Variants in CNGA3 observed in about 807,000 individuals in gnomAD.
CNGA3 encodes cyclic nucleotide-gated channel alpha-3.
CNGA3 carries 42 observed loss-of-function variants against 46.6 expected under a neutral mutation model. The observed-to-expected ratio is 0.90, with a 90% CI of 0.70 to 1.17. CNGA3 has a LOEUF of 1.17. CNGA3 is among the 50% of genes most tolerant of loss of function. The pLI is 0.00. For missense variants in CNGA3, 893 were observed against 890.7 expected, an observed-to-expected ratio of 1.00 and a Z score of -0.03; for synonymous variants, 394 against 369.4, an observed-to-expected ratio of 1.07 and a Z score of -0.76.
At chr2:98,353,713 A>C (rs1691817320) in intron 1 of CNGA3, among the ~76,000 whole-genome samples, 1 of 152,192 alleles carries the variant, frequency 6.6e-6, no homozygotes, top group South Asian at 2.1e-4. Context: ...AGAACTTGGT[A>C]ATTTATAAAG....
chr2:98,351,287 C>T (rs1275028700), intron 1 of CNGA3: 1 of 152,262 alleles, frequency 6.6e-6, no homozygotes, highest in African/African-American at 2.4e-5. Flanking sequence ...TCTGTCACCA[C>T]CCAAATCTCA....
intron 6 of CNGA3, among the ~76,000 whole-genome samples, 163 bp from the exon 7 acceptor site, chr2:98,391,701 A>T (rs977996039): frequency 6.6e-6 from 1 of 152,132 alleles, no homozygotes; most frequent in Admixed American, 6.5e-5. Flanking sequence ...GAGACATCTC[A>T]TCAGAAGCGG....
Position 98,397,446 on chromosome 2 carries a change from G to A in CNGA3, c.*191G>A. On this transcript the variant is annotated 3_prime_UTR_variant, in exon 8 of 8. Coordinates refer to ENST00000272602, the MANE Select transcript of CNGA3 (RefSeq NM_001298.3). ...GACTTTTTGTCTCAGTCCCAGTGAAGTGCCAGGTTTGATTGTGAAGTCCGC... is the reference window on the plus strand; with the variant it reads ...GACTTTTTGTCTCAGTCCCAGTGAAATGCCAGGTTTGATTGTGAAGTCCGC... The A allele has an allele frequency of 1.5e-6, 1 of 651,054 alleles. No individual in the cohort carries two copies. The highest frequency in any genetic ancestry group is 2.7e-5 in the East Asian group (1 of 36,378). 40.3% of individuals were successfully genotyped at this position (651,054 alleles called of 1,614,324 possible).
At chr2:98,357,763 T>C (rs537982039) in intron 1 of CNGA3, among the ~76,000 whole-genome samples, 1 of 152,348 alleles carries the variant, frequency 6.6e-6, no homozygotes, top group East Asian at 1.9e-4. Flanking sequence ...ACACATTCAT[T>C]TGGGAGATGC....
rs1003842522 is a variant in CNGA3, at chr2:98,386,355, G to A, written c.449+2914G>A. On this transcript the variant is annotated intron_variant, in intron 5 of 7. Coordinates refer to ENST00000272602, the MANE Select transcript of CNGA3 (RefSeq NM_001298.3). ...ATTGTAGCTCCTCTAATTCCCATGT[G>A]TCGGGACAGATCTGGTGGGAGGTAA... 2.8e-4 allele frequency among the ~76,000 whole-genome samples: 42 copies of A among 152,208 alleles called. 2 individuals are homozygous for A. Among genetic ancestry groups the A allele is most frequent in the Non-Finnish European group, 4.4e-5 (3 of 68,038 alleles).
intron 7 of CNGA3, among the ~76,000 whole-genome samples, chr2:98,394,792 G>A (rs1032987321): frequency 6.6e-6 from 1 of 152,206 alleles, no homozygotes; most frequent in Non-Finnish European, 1.5e-5. Flanking sequence ...CTTGGGAACT[G>A]AGTCATGCAA....
chr2:98,395,671 A>G (rs1453330890), intron 7 of CNGA3, among the ~76,000 whole-genome samples, 173 bp from the exon 8 acceptor site: 2 of 152,228 alleles, frequency 1.3e-5, no homozygotes, highest in Non-Finnish European at 2.9e-5. Context: ...CATAGAATAG[A>G]AAATATCAGA....
At chr2:98,385,509 C>G (rs779257540) in intron 5 of CNGA3, among the ~76,000 whole-genome samples, 6 of 152,190 alleles carry the variant, frequency 3.9e-5, no homozygotes, top group Non-Finnish European at 5.9e-5. Context: ...GATAGCCCCA[C>G]TTAACATGTT....
At chr2:98,364,595 G>A (rs1558806152) in intron 1 of CNGA3, among the ~76,000 whole-genome samples, 1 of 152,036 alleles carries the variant, frequency 6.6e-6, no homozygotes, top group Admixed American at 6.6e-5. Context: ...CTTTTAATCA[G>A]GACATTTAGC....
chr2:98,363,498 T>C (rs1209821341), intron 1 of CNGA3, among the ~76,000 whole-genome samples: 1 of 152,216 alleles, frequency 6.6e-6, no homozygotes, highest in African/African-American at 2.4e-5. Flanking sequence ...CCTGACACTT[T>C]GCTGAGGTTG....
At chr2:98,392,773 T>C (rs1692823956) in intron 7 of CNGA3, among the ~76,000 whole-genome samples, 1 of 152,066 alleles carries the variant, frequency 6.6e-6, no homozygotes, top group South Asian at 2.1e-4. Flanking sequence ...ACTTTTAACA[T>C]GTGGAGAATG....
At position 98,396,450 on chromosome 2, in the gene CNGA3, G is replaced by A. The variant is rs771172885; in HGVS notation, c.1280G>A (p.Arg427His). Residue 427 changes from arginine to histidine, a missense_variant, in exon 8 of 8, where the codon CGC becomes CAC. Arg to His is a conservative substitution (Grantham distance 29, BLOSUM62 0). Transcript: ENST00000272602. ...IDSIKQYMQFRKVTKDLETRV... is the reference protein window; with the variant it reads ...IDSIKQYMQFHKVTKDLETRV... ...TCCATCAAGCAGTACATGCAGTTCC[G>A]CAAGGTCACCAAGGACTTGGAGACG... 48 of 1,613,786 alleles carry A rather than the reference G, an allele frequency of 3.0e-5. No individual in the cohort carries two copies. The highest frequency in any genetic ancestry group is 3.6e-5 in the Non-Finnish European group (43 of 1,180,036).
chr2:98,378,340 C>A, intron 3 of CNGA3: 1 of 1,060,402 alleles, frequency 9.4e-7, no homozygotes, highest in Non-Finnish European at 1.3e-6. Flanking sequence ...GAAGTCATTT[C>A]ACCTTTTCAA....
chr2:98,365,560 GT>G (rs1337317267), intron 1 of CNGA3, among the ~76,000 whole-genome samples: 11 of 152,068 alleles, frequency 7.2e-5, no homozygotes, highest in African/African-American at 2.7e-4. Flanking sequence ...CATAGGTTCA[GT>G]CTTTTTACAT....
chr2:98,371,691 G>A (rs1449301310), intron 2 of CNGA3, among the ~76,000 whole-genome samples: 2 of 152,190 alleles, frequency 1.3e-5, no homozygotes, highest in African/African-American at 4.8e-5. Context: ...CGCACCACTG[G>A]AGACTTAGTC....
intron 2 of CNGA3, among the ~76,000 whole-genome samples, chr2:98,376,554 T>C (rs1484191188): frequency 6.6e-6 from 1 of 152,098 alleles, no homozygotes; most frequent in Non-Finnish European, 1.5e-5. Flanking sequence ...GAGCTCCCTG[T>C]TGCTGGAAAA....
In CNGA3 at chr2:98,378,277, G is replaced by T. The variant is rs898469591; in HGVS notation, c.215+477G>T. 8.7e-6 allele frequency: 13 copies of T among 1,488,792 alleles called. No individual in the cohort carries two copies. The Admixed American group carries it at 1.1e-4, about 13-fold the overall frequency. 92.2% of individuals were successfully genotyped at this position (1,488,792 alleles called of 1,614,324 possible). On this transcript the variant is annotated intron_variant, in intron 3 of 7. Coordinates refer to ENST00000272602, the MANE Select transcript of CNGA3 (RefSeq NM_001298.3). ...CAAGATTAGTGAGACTCCAAGCTCT[G>T]CTTCCCCCTGATGACATCCGTACTC...
intron 7 of CNGA3, among the ~76,000 whole-genome samples, chr2:98,394,191 G>A (rs762783982): frequency 4.6e-5 from 7 of 151,974 alleles, no homozygotes; most frequent in East Asian, 1.9e-4. Flanking sequence ...CTCTACTTTC[G>A]TGCATGTTTG....
chr2:98,385,717 A>G (rs1692639343), intron 5 of CNGA3, among the ~76,000 whole-genome samples: 1 of 152,220 alleles, frequency 6.6e-6, no homozygotes, highest in Non-Finnish European at 1.5e-5. Context: ...GTAATTTATC[A>G]GAAAAGTGGT....
Sources: gnomAD v4.1 joint callset for allele counts (sites outside exome capture counted in the v4.1 genomes callset) on GRCh38, gnomAD v4.1.1 for gene constraint, MANE v1.5 for transcripts, NCBI Gene and HGNC (gene_info 2026-07-23, HGNC 2026-07-21) for gene names.